The following RBFOX3 variants were observed in gnomAD, a reference collection of about 807,000 sequenced individuals.
RBFOX3 encodes RNA binding protein fox-1 homolog 3.
RBFOX3 carries 17 observed loss-of-function variants against 48.7 expected under a neutral mutation model. That is an observed-to-expected ratio of 0.35 (90% CI 0.24 to 0.52). The LOEUF is 0.52. Among genes scored for constraint, RBFOX3 ranks in the 20% least tolerant of loss-of-function variants. RBFOX3 has a pLI of 0.94. For missense variants in RBFOX3, 382 were observed against 497.5 expected, an observed-to-expected ratio of 0.77 and a Z score of 2.21; for synonymous variants, 212 against 209.5, an observed-to-expected ratio of 1.01 and a Z score of -0.10.
At chr17:79,313,824 C>T (rs1367026344) in intron 2 of RBFOX3, among the ~76,000 whole-genome samples, 1 of 152,200 alleles carries the variant, frequency 6.6e-6, no homozygotes, top group Non-Finnish European at 1.5e-5. Context: ...AGGTCTTGAG[C>T]CCACCACAAC....
At chr17:79,658,835 A>T in the RBFOX3 span, among the ~76,000 whole-genome samples, 1 of 152,210 alleles carries the variant, frequency 6.6e-6, no homozygotes, top group African/African-American at 2.4e-5. Flanking sequence ...CTAGACAAAG[A>T]CACAGACAGG....
chr17:79,303,155 C>A (rs937995992), intron 3 of RBFOX3, among the ~76,000 whole-genome samples: 1 of 152,066 alleles, frequency 6.6e-6, no homozygotes, highest in African/African-American at 2.4e-5. Context: ...CTGTAGTAAG[C>A]CTTAATCACA....
At chr17:79,612,480 C>A (rs904640779), upstream of RBFOX3, among the ~76,000 whole-genome samples, 187 of 152,204 alleles carry the variant, frequency 1.2e-3, 1 homozygote, top group African/African-American at 3.7e-3. Flanking sequence ...GGCTGCCCCC[C>A]CTGCAGGGCA....
chr17:79,383,031 AACACAC>A (rs60851419), intron 2 of RBFOX3, among the ~76,000 whole-genome samples: 9,231 of 141,308 alleles, frequency 0.065, 300 homozygotes, highest in South Asian at 0.08. Flanking sequence ...CTGCCTCTCA[AACACAC>A]ACACACACAC....
intron 1 of RBFOX3, among the ~76,000 whole-genome samples, chr17:79,532,797 T>C (rs2088021841): frequency 6.6e-6 from 1 of 152,150 alleles, no homozygotes; most frequent in Admixed American, 6.5e-5. Context: ...TCCTGCCCTA[T>C]GGCTCTCTTT....
rs537566184 is a variant in RBFOX3, at chr17:79,094,639, C to T, written c.999-110G>A. On this transcript the variant is annotated intron_variant, in intron 13 of 14. Transcript: ENST00000693108. ...CAGACACTACATGGGCACCCTGTACCGAGGTCCCATCTGCAAGGCACCCTC... is the reference window on the plus strand; with the variant it reads ...CAGACACTACATGGGCACCCTGTACTGAGGTCCCATCTGCAAGGCACCCTC... The T allele has an allele frequency of 1.7e-4, 113 of 664,732 alleles. 1 individual carries two copies. The highest frequency in any genetic ancestry group is 8.5e-4 in the Middle Eastern group (2 of 2,350). The allele number at this position is 664,732 out of a possible 1,614,324, so 41.2% of individuals were successfully genotyped here. A position where few individuals can be genotyped will look rare whatever the true frequency, so the allele number is the denominator to read the frequency against.
rs376956589 is a variant in RBFOX3 at position 79,108,508 on chromosome 17, T to C, written c.223-1720A>G. Reference sequence around the variant, plus strand: ...GAGTTAGGACGGTGAGTGGGGAGCCTGGGGTCACAGGGCTGGAGGCCTCGG... The same window carrying C: ...GAGTTAGGACGGTGAGTGGGGAGCCCGGGGTCACAGGGCTGGAGGCCTCGG... On this transcript the variant is annotated intron_variant, in intron 5 of 14. Coordinates refer to ENST00000693108, the MANE Select transcript of RBFOX3 (RefSeq NM_001350451.2). Among the ~76,000 whole-genome samples the C allele has an allele frequency of 1.2e-3, 177 of 152,244 alleles. 5 individuals are homozygous for C. In the East Asian group the frequency reaches 0.028, roughly 24 times the overall value.
At chr17:79,539,845 A>G (rs771350399) in intron 1 of RBFOX3, among the ~76,000 whole-genome samples, 2 of 152,218 alleles carry the variant, frequency 1.3e-5, no homozygotes, top group Non-Finnish European at 2.9e-5. Context: ...GAATAAGAAC[A>G]TGGCGCATGG....
chr17:79,218,200 G>T (rs746326765), intron 4 of RBFOX3, among the ~76,000 whole-genome samples: 5 of 152,046 alleles, frequency 3.3e-5, no homozygotes, highest in African/African-American at 1.2e-4. Flanking sequence ...AATCGAGCTG[G>T]CGAGGCTGGG....
chr17:79,142,972 G>A (rs1409104971), intron 4 of RBFOX3, among the ~76,000 whole-genome samples: 2 of 152,154 alleles, frequency 1.3e-5, no homozygotes, highest in Non-Finnish European at 2.9e-5. Context: ...AGGACTAGAA[G>A]ACGAAGAGGG....
intron 2 of RBFOX3, among the ~76,000 whole-genome samples, chr17:79,328,372 A>G (rs1568049762): frequency 6.6e-6 from 1 of 152,198 alleles, no homozygotes; most frequent in African/African-American, 2.4e-5. Context: ...GCTATCTGGT[A>G]GCTGGGGTGA....
At chr17:79,105,814 G>C (rs1347072310) in intron 6 of RBFOX3, among the ~76,000 whole-genome samples, 6 of 152,166 alleles carry the variant, frequency 3.9e-5, no homozygotes, top group Admixed American at 3.9e-4. Flanking sequence ...AGTTTGGAGG[G>C]AGGGAAGAAA....
chr17:79,103,947 A>C lies in RBFOX3; in HGVS notation c.414+126T>G. On this transcript the variant is annotated intron_variant, in intron 7 of 14. Transcript: ENST00000693108. This position sits in a 1 kb window ranked among gnomAD's most constrained non-coding sequence, Gnocchi z 6.1. The stretch of plus-strand genomic sequence containing the variant: ...GTGGGGGCGGAAGAGCGGGGAATAC[A>C]AGCACCCGTGTCGCTCAGGGGTCCT... 2.6e-6 allele frequency: 2 copies of C among 761,518 alleles called. No homozygotes were observed. Among genetic ancestry groups the C allele is most frequent in the Admixed American group, 2.2e-5 (1 of 46,424 alleles). The allele number at this position is 761,518 out of a possible 1,614,324, so 47.2% of individuals were successfully genotyped here.
At chr17:79,217,177 T>C (rs1191364222) in intron 4 of RBFOX3, among the ~76,000 whole-genome samples, 1 of 152,234 alleles carries the variant, frequency 6.6e-6, no homozygotes, top group African/African-American at 2.4e-5. Flanking sequence ...GCCAGGCCCC[T>C]TGGCTCTGCT....
chr17:79,592,211 ATG>A (rs1265039467), intron 1 of RBFOX3, among the ~76,000 whole-genome samples: 1 of 139,784 alleles, frequency 7.2e-6, no homozygotes, highest in Non-Finnish European at 1.5e-5. Context: ...ACATGCATGC[ATG>A]TGTGTGTGGG....
intron 4 of RBFOX3, among the ~76,000 whole-genome samples, chr17:79,150,041 T>TTGAGGGTGGGGGGTGGGGGG (rs2044042439): frequency 4.0e-3 from 7 of 1,750 alleles, no homozygotes; most frequent in Admixed American, 0.013. Context: ...GGGGTGGGGG[T>TTGAGGGTGGGGGGTGGGGGG]GGGGGATGGG....
At chr17:79,187,361 A>G (rs2053621432) in intron 4 of RBFOX3, among the ~76,000 whole-genome samples, 1 of 152,148 alleles carries the variant, frequency 6.6e-6, no homozygotes, top group Non-Finnish European at 1.5e-5. Flanking sequence ...CGCCGTGAGG[A>G]CAGTGTGCAG....
chr17:79,558,744 G>A (rs2091962284), intron 1 of RBFOX3, among the ~76,000 whole-genome samples: 3 of 152,206 alleles, frequency 2.0e-5, no homozygotes, highest in Admixed American at 6.5e-5. Flanking sequence ...CCCACAGTGC[G>A]CGGAGGCTGC....
intron 2 of RBFOX3, among the ~76,000 whole-genome samples, chr17:79,404,320 T>A (rs1015272188): frequency 1.4e-5 from 2 of 144,242 alleles, no homozygotes; most frequent in African/African-American, 5.1e-5. Context: ...GGTTCCTCCC[T>A]CCTAAGCCAA....
Sources: gnomAD v4.1 joint callset for allele counts (sites outside exome capture counted in the v4.1 genomes callset) on GRCh38, gnomAD v4.1.1 for gene constraint, Gnocchi (gnomAD v3.1) non-coding constraint, MANE v1.5 for transcripts, NCBI Gene and HGNC (gene_info 2026-07-23, HGNC 2026-07-21) for gene names.